Variants in TNKS observed in about 807,000 individuals in gnomAD.
The protein encoded by TNKS is poly [ADP-ribose] polymerase tankyrase-1.
TNKS carries 72 observed loss-of-function variants against 135.8 expected under a neutral mutation model. The observed-to-expected ratio is 0.53, with a 90% CI of 0.44 to 0.64. The LOEUF (loss-of-function observed/expected upper bound fraction) is 0.64, where lower values mean the gene tolerates loss of function less well. TNKS is among the 30% of genes least tolerant of loss of function. The pLI, the probability that TNKS is intolerant of heterozygous loss-of-function variation, is 0.00. For missense variants in TNKS, 1,769 were observed against 1,674.0 expected (o/e 1.06, Z -0.99); for synonymous variants, 849 against 649.3 (o/e 1.31, Z -4.68).
intron 3 of TNKS, among the ~76,000 whole-genome samples, chr8:9,639,810 G>A (rs1177240747): frequency 3.3e-5 from 5 of 152,086 alleles, no homozygotes; most frequent in Non-Finnish European, 4.4e-5. Flanking sequence ...GCTTCTTTGA[G>A]TATTTGCAGC....
chr8:9,561,586 T>A (rs961807580), intron 1 of TNKS, among the ~76,000 whole-genome samples: 2 of 152,214 alleles, frequency 1.3e-5, no homozygotes, highest in Non-Finnish European at 2.9e-5. Context: ...ATGCTGCAGT[T>A]TGTGTATCCC....
intron 3 of TNKS, among the ~76,000 whole-genome samples, chr8:9,620,283 C>G (rs1799816654): frequency 6.6e-6 from 1 of 152,054 alleles, no homozygotes; most frequent in Non-Finnish European, 1.5e-5. Flanking sequence ...TGTATCCAAC[C>G]TATCAGTAAT....
intron 3 of TNKS, among the ~76,000 whole-genome samples, chr8:9,641,454 CATTTT>C (rs1195401983): frequency 1.4e-5 from 2 of 144,428 alleles, no homozygotes; most frequent in Non-Finnish European, 3.0e-5. Context: ...ACACTGGACT[CATTTT>C]AGTATATTTT....
At chr8:9,698,305 T>A (rs187912037) in intron 5 of TNKS, among the ~76,000 whole-genome samples, 1 of 147,526 alleles carries the variant, frequency 6.8e-6, no homozygotes, top group African/African-American at 2.5e-5. Context: ...TGCTCACTAC[T>A]TGACTGCAGT....
intron 1 of TNKS, among the ~76,000 whole-genome samples, chr8:9,568,676 C>T (rs1797643185): frequency 6.6e-6 from 1 of 152,166 alleles, no homozygotes; most frequent in African/African-American, 2.4e-5. Flanking sequence ...TCATCTGCTT[C>T]TACCTGCCAA....
chr8:9,645,906 C>T (rs542397223), intron 3 of TNKS, among the ~76,000 whole-genome samples: 42 of 152,130 alleles, frequency 2.8e-4, no homozygotes, highest in Non-Finnish European at 4.9e-4. Context: ...TTTAAATTCA[C>T]ATTGTTTCTC....
At chr8:9,594,484 C>T (rs6990226) in intron 2 of TNKS, among the ~76,000 whole-genome samples, 12,955 of 152,198 alleles carry the variant, frequency 0.085, 606 homozygotes, top group South Asian at 0.17. Context: ...AGAGTGTAGA[C>T]ATAGAAATTT....
At chr8:9,623,167 A>G (rs1340175731) in intron 3 of TNKS, among the ~76,000 whole-genome samples, 1 of 152,234 alleles carries the variant, frequency 6.6e-6, no homozygotes, top group African/African-American at 2.4e-5. Context: ...AATGGGGAAT[A>G]TCATAAACGA....
At chr8:9,728,578 T>C (rs1217761309) in intron 13 of TNKS, among the ~76,000 whole-genome samples, 1 of 152,192 alleles carries the variant, frequency 6.6e-6, no homozygotes, top group Non-Finnish European at 1.5e-5. Context: ...AAAGCAGCAT[T>C]AGGAAGAAGC....
At chr8:9,724,421 C>G (rs994850079) in intron 12 of TNKS, among the ~76,000 whole-genome samples, 5 of 151,886 alleles carry the variant, frequency 3.3e-5, no homozygotes, top group African/African-American at 1.2e-4. Context: ...GACCCCATCT[C>G]TAAAAAGAAA....
chr8:9,690,923 G>T (rs1803236822), intron 5 of TNKS, among the ~76,000 whole-genome samples: 1 of 152,096 alleles, frequency 6.6e-6, no homozygotes, highest in South Asian at 2.1e-4. Context: ...CTTGGATGGG[G>T]ACTTAATGGC....
chr8:9,775,244 T>C (rs561722746), intron 26 of TNKS, among the ~76,000 whole-genome samples: 1 of 152,036 alleles, frequency 6.6e-6, no homozygotes, highest in East Asian at 1.9e-4. Flanking sequence ...GTGTATGTCT[T>C]AAGATAAAAC....
chr8:9,766,481 G>C (rs878855848), intron 25 of TNKS, 56 bp downstream of exon 25: 6 of 796,338 alleles, frequency 7.5e-6, no homozygotes, highest in Non-Finnish European at 1.0e-5. Flanking sequence ...GAACCAAATT[G>C]TCTTTTTTTT....
chr8:9,717,503 T>C (rs1257650992), intron 11 of TNKS, among the ~76,000 whole-genome samples: 3 of 152,104 alleles, frequency 2.0e-5, no homozygotes, highest in Non-Finnish European at 4.4e-5. Flanking sequence ...GAGGAATGCA[T>C]TTTGGTTAGA....
intron 3 of TNKS, among the ~76,000 whole-genome samples, chr8:9,662,437 C>A (rs1304875793): frequency 6.6e-6 from 1 of 152,136 alleles, no homozygotes; most frequent in East Asian, 1.9e-4. Flanking sequence ...GAGTTCATGT[C>A]CTTTGTAGGG....
intron 3 of TNKS, among the ~76,000 whole-genome samples, chr8:9,645,677 T>C (rs138322959): frequency 7.7e-4 from 117 of 152,278 alleles, no homozygotes; most frequent in African/African-American, 2.8e-3. Flanking sequence ...ACTTAAAATA[T>C]TTCCAGTTTA....
chr8:9,634,927 C>T (rs1394773510), intron 3 of TNKS, among the ~76,000 whole-genome samples: 2 of 152,086 alleles, frequency 1.3e-5, no homozygotes, highest in African/African-American at 2.4e-5. Flanking sequence ...CCTGTAATCC[C>T]GGCACTTTGG....
chr8:9,770,709 A>G (rs1435194285), intron 26 of TNKS, among the ~76,000 whole-genome samples: 1 of 152,266 alleles, frequency 6.6e-6, no homozygotes, highest in Non-Finnish European at 1.5e-5. Context: ...AGAAAAATAA[A>G]GAAGGAAATA....
At chr8:9,569,723 G>A (rs1255750969) in intron 1 of TNKS, among the ~76,000 whole-genome samples, 1 of 152,118 alleles carries the variant, frequency 6.6e-6, no homozygotes, top group Admixed American at 6.5e-5. Context: ...GCATTTCTTA[G>A]TCACTGTTTT....
Sources: allele counts gnomAD v4.1 joint callset (sites outside exome capture counted in the v4.1 genomes callset), GRCh38; gene constraint gnomAD v4.1.1; transcripts MANE v1.5; gene names NCBI Gene and HGNC (gene_info 2026-07-23, HGNC 2026-07-21).